Variants in MYO1D observed in about 807,000 individuals in gnomAD.
MYO1D encodes the protein myosin ID, also known as unconventional myosin-Id.
In MYO1D, 83 loss-of-function variants were observed where a neutral mutation model predicts 122.0. That is an observed-to-expected ratio of 0.68 (90% CI 0.57 to 0.82). The LOEUF is 0.82. MYO1D is among the 40% of genes least tolerant of loss of function. The probability of loss-of-function intolerance (pLI) is 0.00; values close to 1 mark genes in which losing one functional copy is unlikely to be tolerated. For synonymous variants in MYO1D, 464 were observed against 446.9 expected (o/e 1.04, Z -0.48); for missense variants, 1,157 against 1,269.5 (o/e 0.91, Z 1.35).
chr17:32,676,628 T>C (rs1448956448), intron 16 of MYO1D, among the ~76,000 whole-genome samples: 2 of 151,986 alleles, frequency 1.3e-5, no homozygotes, highest in African/African-American at 4.8e-5. Context: ...CGGCTGAAAT[T>C]GTTAGCCGCC....
At chr17:32,612,710 A>AG (rs1222680318) in intron 20 of MYO1D, among the ~76,000 whole-genome samples, 2 of 149,234 alleles carry the variant, frequency 1.3e-5, no homozygotes, top group East Asian at 1.9e-4. Context: ...AAAAAAAAAA[A>AG]AAGAAGAAGA....
chr17:32,781,933 C>T (rs1220669680), intron 1 of MYO1D, among the ~76,000 whole-genome samples: 1 of 152,192 alleles, frequency 6.6e-6, no homozygotes, highest in Non-Finnish European at 1.5e-5. Flanking sequence ...GTGGTTACCA[C>T]CAACATGCTC....
At chr17:32,865,976 A>G (rs187191115) in intron 1 of MYO1D, among the ~76,000 whole-genome samples, 1 of 152,354 alleles carries the variant, frequency 6.6e-6, no homozygotes, top group East Asian at 1.9e-4. Context: ...GTTGAAAACC[A>G]TGATTAGAGT....
chr17:32,607,620 C>T (rs2111914), intron 20 of MYO1D, among the ~76,000 whole-genome samples: 24,624 of 152,100 alleles, frequency 0.16, 2,123 homozygotes, highest in Middle Eastern at 0.25. Flanking sequence ...GAAATCCCAA[C>T]CAAAATCCCA....
At chr17:32,759,775 A>G (rs2089981466) in intron 10 of MYO1D, 1 of 259,542 alleles carries the variant, frequency 3.9e-6, no homozygotes, top group African/African-American at 2.2e-5. Context: ...GATTGATTAG[A>G]GTAGAGGTGA....
At chr17:32,771,912 T>C (rs549297199) in intron 5 of MYO1D, among the ~76,000 whole-genome samples, 19 of 152,318 alleles carry the variant, frequency 1.2e-4, no homozygotes, top group Admixed American at 7.8e-4. Context: ...ATAGAGCATG[T>C]TTTTGGAAGG....
At chr17:32,760,138 G>A (rs2089984265) in intron 10 of MYO1D, 152 bp downstream of exon 10, 1 of 791,408 alleles carries the variant, frequency 1.3e-6, no homozygotes, top group African/African-American at 1.7e-5. Flanking sequence ...TAAAAATGAT[G>A]AAATTAATTG....
At chr17:32,728,301 G>C (rs559853302) in intron 14 of MYO1D, among the ~76,000 whole-genome samples, 1 of 152,042 alleles carries the variant, frequency 6.6e-6, no homozygotes, top group Admixed American at 6.6e-5. Flanking sequence ...GGACTCCCGG[G>C]TTCACGTGAT....
At chr17:32,665,656 C>T (rs114387588) in intron 16 of MYO1D, among the ~76,000 whole-genome samples, 4,339 of 152,282 alleles carry the variant, frequency 0.028, 165 homozygotes, top group African/African-American at 0.091. Context: ...GCACCTGTTA[C>T]CTCTAAATCC....
chr17:32,801,738 C>T (rs1260159749), intron 1 of MYO1D, among the ~76,000 whole-genome samples: 3 of 152,160 alleles, frequency 2.0e-5, no homozygotes, highest in Middle Eastern at 3.2e-3. Context: ...CTTCCTAGCT[C>T]TGTTTGTAAG....
intron 6 of MYO1D, among the ~76,000 whole-genome samples, chr17:32,768,946 C>T (rs1232947024): frequency 6.6e-6 from 1 of 152,130 alleles, no homozygotes; most frequent in East Asian, 1.9e-4. Context: ...CATCCTCTAC[C>T]CTCATTTCTT....
Position 32,852,581 on chromosome 17 carries a change from A to C in MYO1D, c.95+24197T>G, listed in dbSNP as rs1488292779. On this transcript the variant is annotated intron_variant, in intron 1 of 21. Coordinates refer to ENST00000318217, the MANE Select transcript of MYO1D (RefSeq NM_015194.3). ...AATACTAATATGCTACTATGCTTGA[A>C]TTAATGGTAAATAGGGTGCAAAATT... 3.3e-5 allele frequency among the ~76,000 whole-genome samples: 5 copies of C among 152,216 alleles called. No homozygotes were observed. The South Asian group carries it at 1.0e-3, about 32-fold the overall frequency.
At chr17:32,780,988 G>C (rs1311965730) in intron 1 of MYO1D, among the ~76,000 whole-genome samples, 1 of 152,158 alleles carries the variant, frequency 6.6e-6, no homozygotes. Context: ...GACCAGTAGG[G>C]GTTAAAAGCC....
At chr17:32,739,475 A>G (rs961334472) in intron 13 of MYO1D, among the ~76,000 whole-genome samples, 1 of 131,000 alleles carries the variant, frequency 7.6e-6, no homozygotes, top group Admixed American at 8.8e-5. Flanking sequence ...GGGGAACGTC[A>G]CACACCAAGG....
intron 7 of MYO1D, 58 bp from the exon 8 acceptor site, chr17:32,765,139 G>A: frequency 7.0e-7 from 1 of 1,422,010 alleles, no homozygotes; most frequent in Non-Finnish European, 9.8e-7. Context: ...GGATATATTT[G>A]CCAATATAAA....
intron 6 of MYO1D, among the ~76,000 whole-genome samples, chr17:32,768,548 C>T (rs1228416014): frequency 6.6e-6 from 1 of 152,184 alleles, no homozygotes; most frequent in Non-Finnish European, 1.5e-5. Flanking sequence ...AGAGACCTGG[C>T]CTGATGCTCA....
intron 21 of MYO1D, among the ~76,000 whole-genome samples, chr17:32,550,152 G>A (rs1287517444): frequency 6.6e-6 from 1 of 151,388 alleles, no homozygotes; most frequent in Non-Finnish European, 1.5e-5. Context: ...CAGGCTGGAG[G>A]GCAGCGGTGT....
chr17:32,516,535 A>G (rs888530947), intron 21 of MYO1D, among the ~76,000 whole-genome samples: 2 of 152,192 alleles, frequency 1.3e-5, no homozygotes, highest in Non-Finnish European at 2.9e-5. Flanking sequence ...TTTCTCTGGA[A>G]TCACCAATTG....
At chr17:32,744,604 A>G (rs1325628060) in intron 13 of MYO1D, among the ~76,000 whole-genome samples, 2 of 152,256 alleles carry the variant, frequency 1.3e-5, no homozygotes, top group Admixed American at 6.5e-5. Flanking sequence ...GAGTGAATAC[A>G]GTTCTTTAAC....
Sources: allele counts gnomAD v4.1 joint callset (sites outside exome capture counted in the v4.1 genomes callset), GRCh38; gene constraint gnomAD v4.1.1; transcripts MANE v1.5; gene names NCBI Gene and HGNC (gene_info 2026-07-23, HGNC 2026-07-21).